OR10H1: variants seen among roughly 807,000 people sequenced by gnomAD.
OR10H1 encodes olfactory receptor family 10 subfamily H member 1, also known as olfactory receptor 10H1.
OR10H1 carries 12 observed loss-of-function variants against 13.1 expected under a neutral mutation model. That is an observed-to-expected ratio of 0.92 (90% CI 0.59 to 1.48). The LOEUF (loss-of-function observed/expected upper bound fraction) is 1.48. Ranked by LOEUF, OR10H1 falls within the 40% of genes most tolerant of loss-of-function variation. The pLI, the probability that OR10H1 is intolerant of heterozygous loss-of-function variation, is 0.00. For missense variants in OR10H1, 363 were observed against 413.1 expected, an observed-to-expected ratio of 0.88 and a Z score of 1.05; for synonymous variants, 168 against 175.6, an observed-to-expected ratio of 0.96 and a Z score of 0.34.
Position 15,807,019 on chromosome 19 carries a change from G to A in OR10H1, c.*62C>T, listed in dbSNP as rs541878898. The A allele has an allele frequency of 2.4e-5, 35 of 1,483,196 alleles. 1 individual carries two copies. Among genetic ancestry groups the A allele is most frequent in the African/African-American group, 1.3e-4 (9 of 71,908 alleles). 91.9% of individuals were successfully genotyped at this position (1,483,196 alleles called of 1,614,324 possible). A position where few individuals can be genotyped will look rare whatever the true frequency, so the allele number is the denominator to read the frequency against. On this transcript the variant is annotated 3_prime_UTR_variant, in exon 4 of 4. Coordinates refer to ENST00000641419, the MANE Select transcript of OR10H1 (RefSeq NM_013940.4). ...TGGGATTACAGGCATGAGTCACCAC[G>A]GAACGTAATTTTTAACAATAGCCTT...
At chr19:15,811,859 G>C (rs903420876) in intron 2 of OR10H1, among the ~76,000 whole-genome samples, 1 of 152,134 alleles carries the variant, frequency 6.6e-6, no homozygotes, top group African/African-American at 2.4e-5. Context: ...TATGATGTTT[G>C]CCGTGATATG....
rs1176060228 is a variant in OR10H1, at chr19:15,814,504, A to T, written c.-778+1051T>A. Among the ~76,000 whole-genome samples the T allele has an allele frequency of 4.5e-3, 562 of 124,496 alleles. 2 individuals are homozygous for T. The highest frequency in any genetic ancestry group is 0.027 in the Middle Eastern group (6 of 222). 81.7% of individuals were successfully genotyped at this position (124,496 alleles called of 152,430 possible). A position where few individuals can be genotyped will look rare whatever the true frequency, so the allele number is the denominator to read the frequency against. On this transcript the variant is annotated intron_variant, in intron 1 of 3. Coordinates refer to ENST00000641419, the MANE Select transcript of OR10H1 (RefSeq NM_013940.4). ...GTGAGAGAGAGAGAGAGAGAGAGAG[A>T]GAGAGAGAGAGAGAGAGAGAGAGAG...
intron 3 of OR10H1, 77 bp from the exon 4 acceptor site, chr19:15,808,125 C>T: frequency 8.4e-7 from 1 of 1,195,280 alleles, no homozygotes; most frequent in Admixed American, 2.0e-5. Context: ...CCTGGATTTG[C>T]CCAAGGGACT....
In OR10H1 at chr19:15,812,442, A is replaced by AGGG. The variant is rs2088937933; in HGVS notation, c.-342_-341insCCC. 9 of 140,804 alleles carry AGGG rather than the reference A, an allele frequency of 6.4e-5. No individual in the cohort carries two copies. Among genetic ancestry groups the AGGG allele is most frequent in the Admixed American group, 1.4e-4 (2 of 13,988 alleles). The allele number at this position is 140,804 out of a possible 1,614,324, so 8.7% of individuals were successfully genotyped here. On this transcript the variant is annotated 5_prime_UTR_variant, in exon 2 of 4. Coordinates refer to ENST00000641419, the MANE Select transcript of OR10H1 (RefSeq NM_013940.4). ...GAAGAAAGAGAGGGAGGGAGGGAGG[A>AGGG]AGGAAAGAAGGATAAAAGGAAGGAA... is the stretch of plus-strand genomic sequence containing the variant.
chr19:15,807,067 C>G lies in OR10H1; in HGVS notation c.*14G>C. 1 of 1,599,250 alleles carries G rather than the reference C, an allele frequency of 6.3e-7. No homozygotes were observed. The highest frequency in any genetic ancestry group is 1.1e-5 in the South Asian group (1 of 89,720). On this transcript the variant is annotated 3_prime_UTR_variant, in exon 4 of 4. Coordinates refer to ENST00000641419, the MANE Select transcript of OR10H1 (RefSeq NM_013940.4). ...CTTCGGTAATCCAATTTAGTTGTTC[C>G]CAGTGAATTTCTCCTACATCATTAC...
rs1226065090 is a variant in OR10H1 at position 15,807,116 on chromosome 19, T to G, written c.922A>C (p.Ser308Arg). 1 of 1,613,934 alleles carries G rather than the reference T, an allele frequency of 6.2e-7. No individual in the cohort carries two copies. The highest frequency in any genetic ancestry group is 8.5e-7 in the Non-Finnish European group (1 of 1,179,956). The change falls in exon 4 of 4, where the codon AGT (serine) becomes CGT (arginine). Residue 308 changes from serine (S) to arginine (R), a missense_variant. This residue lies in a region of OR10H1 where 42 missense variants were observed against 30.3 expected (regional missense o/e 1.39). Coordinates refer to ENST00000641419, the MANE Select transcript of OR10H1 (RefSeq NM_013940.4). ...LKVAMKKTFF[S>R]KLYPEKNVMM The stretch of plus-strand genomic sequence containing the variant: ...ACATTTTTTTCTGGGTAGAGTTTAC[T>G]GAAGAAGGTCTTCTTCATGGCGACC...
At position 15,812,751 on chromosome 19, in the gene OR10H1, A is replaced by AGGAG. The variant is rs1253506738; in HGVS notation, c.-651_-650insCTCC. 1 of 124,802 alleles carries AGGAG rather than the reference A, an allele frequency of 8.0e-6. No individual in the cohort carries two copies. Among genetic ancestry groups the AGGAG allele is most frequent in the Admixed American group, 1.1e-4 (1 of 8,786 alleles). The allele number at this position is 124,802 out of a possible 1,614,324, so 7.7% of individuals were successfully genotyped here. A position where few individuals can be genotyped will look rare whatever the true frequency, so the allele number is the denominator to read the frequency against. On this transcript the variant is annotated 5_prime_UTR_variant, in exon 2 of 4. It removes the in-frame stop codon of an upstream open reading frame in the 5' UTR. Transcript: ENST00000641419. ...GAGGGAGGAATGGAGGGAGGAAGGA[A>AGGAG]GGGAGGGAGGGAGAAACCTTGAGAG...
chr19:15,807,074 A>C lies in OR10H1; in HGVS notation c.*7T>G. ...AATCCAATTTAGTTGTTCCCAGTGAATTTCTCCTACATCATTACATTTTTT... is the reference window on the plus strand; with the variant it reads ...AATCCAATTTAGTTGTTCCCAGTGACTTTCTCCTACATCATTACATTTTTT... On this transcript the variant is annotated 3_prime_UTR_variant, in exon 4 of 4. Transcript: ENST00000641419. The C allele has an allele frequency of 1.9e-6, 3 of 1,604,072 alleles. No individual in the cohort carries two copies. The highest frequency in any genetic ancestry group is 2.6e-6 in the Non-Finnish European group (3 of 1,174,480).
chr19:15,805,803 C>G lies in OR10H1; in HGVS notation c.*1278G>C, dbSNP rs1344885959. The G allele has an allele frequency of 6.6e-6, 1 of 152,120 alleles. No individual in the cohort carries two copies. The highest frequency in any genetic ancestry group is 1.9e-4 in the East Asian group (1 of 5,186). The allele number at this position is 152,120 out of a possible 1,614,324, so 9.4% of individuals were successfully genotyped here. A position where few individuals can be genotyped will look rare whatever the true frequency, so the allele number is the denominator to read the frequency against. ...CAATGTCCAGATTCAACAGAGAGCT[C>G]CTGGCTGGCCCATGAGCCGTGTCAA... On this transcript the variant is annotated 3_prime_UTR_variant, in exon 4 of 4. Transcript: ENST00000641419.
chr19:15,812,417 G>T lies in OR10H1; in HGVS notation c.-316C>A, dbSNP rs1166754133. The T allele has an allele frequency of 1.4e-5, 2 of 147,750 alleles. No homozygotes were observed. Among genetic ancestry groups the T allele is most frequent in the Non-Finnish European group, 3.0e-5 (2 of 66,662 alleles). 9.2% of individuals were successfully genotyped at this position (147,750 alleles called of 1,614,324 possible). A position where few individuals can be genotyped will look rare whatever the true frequency, so the allele number is the denominator to read the frequency against. On this transcript the variant is annotated 5_prime_UTR_variant, in exon 2 of 4. Transcript: ENST00000641419. Reference sequence around the variant, plus strand: ...GGAGGAAAAGAAAGAAAAAAGGGAGGAAGAAAGAGAGGGAGGGAGGGAGGA... The same window carrying T: ...GGAGGAAAAGAAAGAAAAAAGGGAGTAAGAAAGAGAGGGAGGGAGGGAGGA...
rs879000346 is a variant in OR10H1 at position 15,807,901 on chromosome 19, A to G, written c.137T>C (p.Met46Thr). The G allele has an allele frequency of 1.2e-6, 2 of 1,614,112 alleles. No homozygotes were observed. The highest frequency in any genetic ancestry group is 1.1e-5 in the South Asian group (1 of 91,076). The change falls in exon 4 of 4, where the codon ATG becomes ACG. Residue 46 changes from methionine to threonine, a missense_variant. Transcript: ENST00000641419. Reference protein sequence around the residue: ...LFTLLGNLLIMATVWSERSLH... With the variant: ...LFTLLGNLLITATVWSERSLH... ...GCTGCGCTCGCTCCAGACGGTGGCC[A>G]TGATGAGCAGGTTGCCCAGCAGCGT...
chr19:15,814,445 TTGTGTGTGTGTGTG>T (rs148400110), intron 1 of OR10H1, among the ~76,000 whole-genome samples: 3 of 101,968 alleles, frequency 2.9e-5, no homozygotes, highest in East Asian at 9.7e-4. Flanking sequence ...GACGCCTCCC[TTGTGTGTGTGTGTG>T]TGTGTGTGTG....
Position 15,810,112 on chromosome 19 carries a change from T to C in OR10H1, c.-128-1271A>G, listed in dbSNP as rs190263218. On this transcript the variant is annotated intron_variant, in intron 2 of 3. Transcript: ENST00000641419. ...GAGTTCGAGACCAGCCTGGGCAACA[T>C]GGTGAAACCCTGCCTCTACTAAAAA... is the stretch of plus-strand genomic sequence containing the variant. Among the ~76,000 whole-genome samples the C allele has an allele frequency of 1.6e-3, 243 of 152,120 alleles. 1 individual carries two copies. Among genetic ancestry groups the C allele is most frequent in the Middle Eastern group, 0.01 (3 of 294 alleles).
intron 1 of OR10H1, among the ~76,000 whole-genome samples, chr19:15,814,880 C>T (rs2088957989): frequency 1.3e-5 from 2 of 152,182 alleles, no homozygotes; most frequent in South Asian, 2.1e-4. Flanking sequence ...TTTTCTCCGC[C>T]TCTTCCCAAT....
chr19:15,815,401 A>G (rs1933241248), intron 1 of OR10H1, among the ~76,000 whole-genome samples, 154 bp downstream of exon 1: 1 of 151,958 alleles, frequency 6.6e-6, no homozygotes, highest in African/African-American at 2.4e-5. Flanking sequence ...CACACTGACT[A>G]AGACGTGGTG....
In OR10H1 at chr19:15,807,844, G is replaced by T. The variant is rs4808382; in HGVS notation, c.194C>A (p.Ala65Asp). 6.3e-7 allele frequency: 1 copy of T among 1,585,332 alleles called. No individual in the cohort carries two copies. Among genetic ancestry groups the T allele is most frequent in the South Asian group, 1.1e-5 (1 of 89,694 alleles). ...GTAGAGGATCTCGGAGACGGAGAGG[G>T]CGCACAGGAAGAGGTACATGGGCGT... is the stretch of plus-strand genomic sequence containing the variant. The part of the protein sequence containing the change: ...LHTPMYLFLC[A>D]LSVSEILYTV... Residue 65 changes from alanine to aspartate, a missense_variant, in exon 4 of 4, where the codon GCC becomes GAC. This residue lies in a region of OR10H1 where 318 missense variants were observed against 366.6 expected (regional missense o/e 0.87). Coordinates refer to ENST00000641419, the MANE Select transcript of OR10H1 (RefSeq NM_013940.4).
At position 15,807,438 on chromosome 19, in the gene OR10H1, C is replaced by A; in HGVS notation, c.600G>T (p.Val200=). 6.2e-7 allele frequency: 1 copy of A among 1,614,224 alleles called. No individual in the cohort carries two copies. Residue 200 remains valine (V), a synonymous_variant, in exon 4 of 4, where the codon GTG becomes GTT. Coordinates refer to ENST00000641419, the MANE Select transcript of OR10H1 (RefSeq NM_013940.4). ...GDDVLVVAKG[V]GLVCITALLG... ...GCAGGGCCGTGATACACACCAAGCC[C>A]ACGCCTTTGGCCACCACCAGCACAT...
In OR10H1 at chr19:15,809,454, CTAA is replaced by C. The variant is rs2088921185; in HGVS notation, c.-128-616_-128-614del. Among the ~76,000 whole-genome samples the C allele has an allele frequency of 2.6e-5, 4 of 151,858 alleles. No individual in the cohort carries two copies. In the South Asian group the frequency reaches 8.3e-4, roughly 32 times the overall value. ...TACAGGCACACACCACCTCACCCAG[CTAA>C]TGTTTTATTTTTTATTATAGAGATG... is the stretch of plus-strand genomic sequence containing the variant. On this transcript the variant is annotated intron_variant, in intron 2 of 3. Coordinates refer to ENST00000641419, the MANE Select transcript of OR10H1 (RefSeq NM_013940.4).
rs1224691787 is a variant in OR10H1 at position 15,806,150 on chromosome 19, T to C, written c.*931A>G. The C allele has an allele frequency of 2.0e-5, 3 of 152,152 alleles. No homozygotes were observed. In the East Asian group the frequency reaches 5.8e-4, roughly 29 times the overall value. 9.4% of individuals were successfully genotyped at this position (152,152 alleles called of 1,614,324 possible). A position where few individuals can be genotyped will look rare whatever the true frequency, so the allele number is the denominator to read the frequency against. ...CTCTTTGCATTGCTGGTTTGCATTA[T>C]TGGGGGTATTAGATGACCCTGGCTT... On this transcript the variant is annotated 3_prime_UTR_variant, in exon 4 of 4. Coordinates refer to ENST00000641419, the MANE Select transcript of OR10H1 (RefSeq NM_013940.4).
Sources: allele counts gnomAD v4.1 joint callset (sites outside exome capture counted in the v4.1 genomes callset), GRCh38; gene constraint gnomAD v4.1.1; regional missense constraint gnomAD v4.1.1; transcripts MANE v1.5; gene names NCBI Gene and HGNC (gene_info 2026-07-23, HGNC 2026-07-21).